Variants in TENM3 observed in about 807,000 individuals in gnomAD.
The protein encoded by TENM3 is teneurin-3.
A neutral mutation model predicts 255.1 loss-of-function variants in TENM3; 63 were observed. The observed-to-expected ratio is 0.25, with a 90% CI of 0.20 to 0.30. The LOEUF is 0.30. Ranked by LOEUF, TENM3 falls within the 10% of genes least tolerant of loss-of-function variation. TENM3 has a pLI of 1.00. For synonymous variants in TENM3, 1,306 were observed against 1,322.3 expected (o/e 0.99, Z 0.27); for missense variants, 2,929 against 3,461.1 (o/e 0.85, Z 3.86).
chr4:182,095,092 T>C, the TENM3 span, among the ~76,000 whole-genome samples: 1 of 152,204 alleles, frequency 6.6e-6, no homozygotes, highest in Non-Finnish European at 1.5e-5. Context: ...TGTGAATTTG[T>C]ACAGCCACGT....
chr4:181,601,879 G>A, the TENM3 span, among the ~76,000 whole-genome samples: 3 of 152,062 alleles, frequency 2.0e-5, no homozygotes, highest in African/African-American at 7.2e-5. Flanking sequence ...ATAACACACA[G>A]CATGCCTTAT....
the TENM3 span, among the ~76,000 whole-genome samples, chr4:181,891,054 A>C: frequency 1.3e-5 from 2 of 152,148 alleles, no homozygotes; most frequent in Middle Eastern, 3.2e-3. Context: ...TTTTGAAGGC[A>C]TACTCTCTGT....
the TENM3 span, among the ~76,000 whole-genome samples, chr4:181,597,344 C>T: frequency 2.6e-5 from 4 of 152,314 alleles, no homozygotes; most frequent in South Asian, 4.1e-4. Context: ...AGGGCATAAA[C>T]GTGGTGCTAG....
intron 12 of TENM3, among the ~76,000 whole-genome samples, chr4:182,701,210 C>CTTTTTGTTTTTTTTTTTT (rs1757833740): frequency 5.2e-5 from 2 of 38,644 alleles, no homozygotes; most frequent in Non-Finnish European, 8.6e-5. Flanking sequence ...CAACTCTTGA[C>CTTTTTGTTTTTTTTTTTT]TTTTTTTTTT....
At chr4:181,626,410 C>A in the TENM3 span, among the ~76,000 whole-genome samples, 3 of 152,102 alleles carry the variant, frequency 2.0e-5, no homozygotes, top group African/African-American at 7.2e-5. Context: ...AGTCTAAGAT[C>A]ATTTATAAAG....
intron 1 of TENM3, among the ~76,000 whole-genome samples, chr4:182,194,216 A>G (rs1317855368): frequency 2.6e-5 from 4 of 152,164 alleles, no homozygotes; most frequent in Non-Finnish European, 1.5e-5. Flanking sequence ...AGGCAAATCA[A>G]ATGGTATCCT....
chr4:181,551,529 AC>A, the TENM3 span, among the ~76,000 whole-genome samples: 6 of 152,182 alleles, frequency 3.9e-5, no homozygotes, highest in Non-Finnish European at 5.9e-5. Context: ...AGCTTCGGCA[AC>A]CACTGGCACT....
chr4:182,090,781 T>C, the TENM3 span, among the ~76,000 whole-genome samples: 4 of 152,228 alleles, frequency 2.6e-5, no homozygotes, highest in Admixed American at 2.6e-4. Context: ...TCATGTGCCA[T>C]CCCAAGGTGG....
At chr4:181,969,105 G>A in the TENM3 span, among the ~76,000 whole-genome samples, 1 of 151,786 alleles carries the variant, frequency 6.6e-6, no homozygotes, top group Non-Finnish European at 1.5e-5. Context: ...GCATTAGCTT[G>A]TTAATTTTTA....
the TENM3 span, among the ~76,000 whole-genome samples, chr4:182,104,529 T>TGA: frequency 1.1e-5 from 1 of 94,840 alleles, no homozygotes; most frequent in Non-Finnish European, 2.1e-5. Flanking sequence ...TTTTTTTTTT[T>TGA]GAGACAGAGT....
chr4:181,982,417 G>A, the TENM3 span, among the ~76,000 whole-genome samples: 1 of 152,050 alleles, frequency 6.6e-6, no homozygotes, highest in East Asian at 1.9e-4. Context: ...TGAAAATGAA[G>A]GTAACTTTAT....
chr4:181,741,821 TA>T, the TENM3 span, among the ~76,000 whole-genome samples: 1 of 152,162 alleles, frequency 6.6e-6, no homozygotes, highest in Non-Finnish European at 1.5e-5. Flanking sequence ...GAACATGGAC[TA>T]CCAGATCCAA....
At chr4:182,549,331 T>C (rs1480767121) in intron 3 of TENM3, among the ~76,000 whole-genome samples, 1 of 152,234 alleles carries the variant, frequency 6.6e-6, no homozygotes, top group Non-Finnish European at 1.5e-5. Context: ...AAGCATTTTC[T>C]TTTCGTTCCT....
chr4:182,772,541 C>T (rs181823824), intron 22 of TENM3: 34 of 149,652 alleles, frequency 2.3e-4, no homozygotes, highest in Admixed American at 2.0e-3. Flanking sequence ...ATTTCTCATC[C>T]AGATTTTTGC....
At chr4:181,527,608 A>G in the TENM3 span, among the ~76,000 whole-genome samples, 2 of 149,372 alleles carry the variant, frequency 1.3e-5, no homozygotes, top group Admixed American at 6.7e-5. Flanking sequence ...TCAAGCCACC[A>G]TGCCCAGCCA....
chr4:181,964,950 T>C, the TENM3 span, among the ~76,000 whole-genome samples: 1 of 152,162 alleles, frequency 6.6e-6, no homozygotes, highest in Non-Finnish European at 1.5e-5. Flanking sequence ...GTTAGGGCAT[T>C]TTCTTGACAA....
the TENM3 span, among the ~76,000 whole-genome samples, chr4:182,103,990 A>T: frequency 6.6e-6 from 1 of 152,198 alleles, no homozygotes; most frequent in African/African-American, 2.4e-5. Flanking sequence ...CTTTTATTCA[A>T]TCAGGTAAAA....
chr4:181,667,159 C>G, the TENM3 span, among the ~76,000 whole-genome samples: 1 of 152,152 alleles, frequency 6.6e-6, no homozygotes, highest in South Asian at 2.1e-4. Flanking sequence ...ATAAGTCCCA[C>G]TACACAAAAT....
At chr4:181,993,964 T>C in the TENM3 span, among the ~76,000 whole-genome samples, 1 of 152,126 alleles carries the variant, frequency 6.6e-6, no homozygotes, top group Non-Finnish European at 1.5e-5. Flanking sequence ...GAGTTTGCTT[T>C]CCCTCTCCAT....
Sources: allele counts gnomAD v4.1 joint callset (sites outside exome capture counted in the v4.1 genomes callset), GRCh38; gene constraint gnomAD v4.1.1; transcripts MANE v1.5; gene names NCBI Gene and HGNC (gene_info 2026-07-23, HGNC 2026-07-21).